The following NFILZ variants were observed in gnomAD, a reference collection of about 807,000 sequenced individuals.
The protein encoded by NFILZ is NFIL3 like basic leucine zipper.
Position 8,651,171 on chromosome 19 carries a change from T to C in NFILZ, c.-164+15425T>C, listed in dbSNP as rs376819627. Among the ~76,000 whole-genome samples the C allele has an allele frequency of 3.4e-3, 518 of 152,344 alleles. 2 individuals are homozygous for C. Among genetic ancestry groups the C allele is most frequent in the Middle Eastern group, 0.01 (3 of 294 alleles). On this transcript the variant is annotated intron_variant, in intron 3 of 5. Transcript: ENST00000691075. ...TTATTTCAAAATATATAATAAGCTTTTTTTTTCTTAGATGGAATCTTGCTC... is the reference window on the plus strand; with the variant it reads ...TTATTTCAAAATATATAATAAGCTTCTTTTTTCTTAGATGGAATCTTGCTC...
chr19:8,657,266 C>G (rs2043008891), intron 3 of NFILZ, among the ~76,000 whole-genome samples: 3 of 151,878 alleles, frequency 2.0e-5, no homozygotes, highest in East Asian at 1.9e-4. Context: ...GCCACCACAC[C>G]CAGCTAATTT....
At chr19:8,641,556 T>C (rs1555746668) in intron 3 of NFILZ, among the ~76,000 whole-genome samples, 4 of 152,220 alleles carry the variant, frequency 2.6e-5, no homozygotes. Context: ...TAACCTCTGA[T>C]CTAGCTTGGT....
intron 3 of NFILZ, among the ~76,000 whole-genome samples, chr19:8,653,716 TG>T (rs1458704762): frequency 6.6e-6 from 1 of 152,218 alleles, no homozygotes; most frequent in Non-Finnish European, 1.5e-5. Flanking sequence ...GAAGTAATTC[TG>T]GAATGGAAAA....
chr19:8,660,581 CTCCTTCCT>C (rs35156565), intron 3 of NFILZ, among the ~76,000 whole-genome samples: 3 of 110,102 alleles, frequency 2.7e-5, no homozygotes, highest in Non-Finnish European at 1.8e-5. Flanking sequence ...CCCTCCCTCC[CTCCTTCCT>C]TCCTTCCTTC....
At chr19:8,662,165 A>G (rs1299341581) in intron 3 of NFILZ, among the ~76,000 whole-genome samples, 1 of 151,492 alleles carries the variant, frequency 6.6e-6, no homozygotes, top group Non-Finnish European at 1.5e-5. Flanking sequence ...TGATTGCACC[A>G]CAACACTCAG....
chr19:8,675,432 T>C (rs138514453), intron 4 of NFILZ, among the ~76,000 whole-genome samples: 20 of 152,284 alleles, frequency 1.3e-4, no homozygotes, highest in African/African-American at 4.6e-4. Flanking sequence ...CCTTGCTATA[T>C]CTCTGGGACA....
intron 3 of NFILZ, among the ~76,000 whole-genome samples, chr19:8,644,224 C>T (rs1245268556): frequency 6.6e-6 from 1 of 152,104 alleles, no homozygotes; most frequent in Non-Finnish European, 1.5e-5. Context: ...CCTCAGCCTA[C>T]CAAGTAGCTG....
At chr19:8,660,787 A>G (rs192989779) in intron 3 of NFILZ, among the ~76,000 whole-genome samples, 4 of 151,240 alleles carry the variant, frequency 2.6e-5, no homozygotes, top group African/African-American at 9.7e-5. Flanking sequence ...ACAGGTGCCC[A>G]CCACCATGCC....
At chr19:8,635,116 C>A (rs1480955050) in intron 2 of NFILZ, among the ~76,000 whole-genome samples, 5 of 151,752 alleles carry the variant, frequency 3.3e-5, no homozygotes, top group African/African-American at 1.2e-4. Context: ...TCAAGACCAG[C>A]CTGGCCAACA....
rs2043071519 is a variant in NFILZ at position 8,668,276 on chromosome 19, A to ATTTTTACTGTTGTCTTG, written c.-163-6273_-163-6272insTTTACTGTTGTCTTGTT. Among the ~76,000 whole-genome samples the ATTTTTACTGTTGTCTTG allele has an allele frequency of 3.9e-5, 4 of 102,910 alleles. No homozygotes were observed. In the South Asian group the frequency reaches 1.4e-3, roughly 37 times the overall value. The allele number at this position is 102,910 out of a possible 152,430, so 67.5% of individuals were successfully genotyped here. A position where few individuals can be genotyped will look rare whatever the true frequency, so the allele number is the denominator to read the frequency against. ...TATACATATATAATTTTAAATTTGC[A>ATTTTTACTGTTGTCTTG]TTATTTTTATTGTTGTCTTGTTATT... On this transcript the variant is annotated intron_variant, in intron 3 of 5. Coordinates refer to ENST00000691075, the MANE Select transcript of NFILZ (RefSeq NM_001378600.1).
chr19:8,663,787 T>TGTATGTATG (rs2043048906), intron 3 of NFILZ, among the ~76,000 whole-genome samples: 2 of 148,740 alleles, frequency 1.3e-5, no homozygotes, highest in African/African-American at 5.0e-5. Flanking sequence ...TGTGTGTTTG[T>TGTATGTATG]TGTGGGGGGG....
At chr19:8,631,623 G>A (rs940955069) in intron 1 of NFILZ, among the ~76,000 whole-genome samples, 11 of 152,140 alleles carry the variant, frequency 7.2e-5, no homozygotes, top group Non-Finnish European at 1.6e-4. Context: ...GATTGGCCCT[G>A]TTCTTCTGAA....
intron 3 of NFILZ, among the ~76,000 whole-genome samples, chr19:8,643,994 C>T (rs1285769576): frequency 1.3e-5 from 2 of 152,092 alleles, no homozygotes; most frequent in African/African-American, 4.8e-5. Context: ...TTTGCATTCC[C>T]CCAACACCTC....
chr19:8,665,891 A>C (rs2043059817), intron 3 of NFILZ, among the ~76,000 whole-genome samples: 1 of 152,206 alleles, frequency 6.6e-6, no homozygotes. Flanking sequence ...CTGAGTGTTA[A>C]GAAATCTTAC....
intron 3 of NFILZ, among the ~76,000 whole-genome samples, chr19:8,667,617 G>A (rs1286685302): frequency 1.3e-4 from 19 of 151,932 alleles, no homozygotes; most frequent in Non-Finnish European, 2.4e-4. Context: ...GTGCGATCTC[G>A]GCTCACTGCA....
intron 3 of NFILZ, among the ~76,000 whole-genome samples, chr19:8,665,918 G>A (rs372057408): frequency 3.9e-5 from 6 of 152,180 alleles, no homozygotes; most frequent in Admixed American, 3.9e-4. Context: ...TGGAGAGTTT[G>A]CAGTCATTTT....
chr19:8,638,584 A>C (rs1395863779), intron 3 of NFILZ: 1 of 152,228 alleles, frequency 6.6e-6, no homozygotes, highest in Non-Finnish European at 1.5e-5. Flanking sequence ...AGCGGCGAAC[A>C]AAACAGACCC....
At chr19:8,672,430 A>T (rs185505264) in intron 3 of NFILZ, among the ~76,000 whole-genome samples, 147 of 152,136 alleles carry the variant, frequency 9.7e-4, no homozygotes, top group Middle Eastern at 3.4e-3. Context: ...AATTCAAAAT[A>T]ATCCATGCAT....
intron 3 of NFILZ, among the ~76,000 whole-genome samples, chr19:8,639,103 C>A (rs2042908065): frequency 6.6e-6 from 1 of 152,160 alleles, no homozygotes; most frequent in Admixed American, 6.5e-5. Context: ...CTCGGCCTCC[C>A]AAAGTGGTGG....
Sources: allele counts gnomAD v4.1 joint callset (sites outside exome capture counted in the v4.1 genomes callset), GRCh38; gene constraint gnomAD v4.1.1; transcripts MANE v1.5; gene names NCBI Gene and HGNC (gene_info 2026-07-23, HGNC 2026-07-21).